SNX19: variants seen among roughly 807,000 people sequenced by gnomAD.
SNX19 encodes the protein sorting nexin 19, also known as sorting nexin-19.
Under a neutral mutation model 85.2 loss-of-function variants are expected in SNX19, and 60 were observed. That is an observed-to-expected ratio of 0.70 (90% CI 0.57 to 0.87). SNX19 has a LOEUF of 0.87. Among genes scored for constraint, SNX19 ranks in the 40% least tolerant of loss-of-function variants. The pLI is 0.00. For synonymous variants in SNX19, 520 were observed against 470.0 expected, an observed-to-expected ratio of 1.11 and a Z score of -1.38; for missense variants, 1,201 against 1,217.8, an observed-to-expected ratio of 0.99 and a Z score of 0.21.
At chr11:130,891,879 C>T (rs1477937504) in intron 8 of SNX19, among the ~76,000 whole-genome samples, 1 of 143,192 alleles carries the variant, frequency 7.0e-6, no homozygotes, top group Non-Finnish European at 1.5e-5. Context: ...CTCATTCTGT[C>T]GCCCAGGCTG....
At chr11:130,891,759 A>T (rs922280098) in intron 8 of SNX19, among the ~76,000 whole-genome samples, 3 of 152,158 alleles carry the variant, frequency 2.0e-5, no homozygotes, top group Non-Finnish European at 2.9e-5. Flanking sequence ...TTTTAGGATA[A>T]ATAAGACTGA....
At position 130,914,979 on chromosome 11, in the gene SNX19, C is replaced by G. The variant is rs747985995; in HGVS notation, c.961G>C (p.Gly321Arg). 1 of 1,614,150 alleles carries G rather than the reference C, an allele frequency of 6.2e-7. No homozygotes were observed. The highest frequency in any genetic ancestry group is 1.1e-5 in the South Asian group (1 of 91,078). The part of the protein sequence containing the change: ...PVFLSYSEPE[G>R]SAGPSPEVEE... ...ACCTCTGGAGAGGGGCCTGCAGAAC[C>G]CTCTGGCTCACTGTAACTTAGGAAT... Residue 321 changes from glycine to arginine, a missense_variant, in exon 1 of 11, where the codon GGT becomes CGT. Gly to Arg is a moderately radical substitution (Grantham distance 125). Transcript: ENST00000265909.
At chr11:130,888,083 C>T (rs1944214758) in intron 8 of SNX19, among the ~76,000 whole-genome samples, 1 of 143,642 alleles carries the variant, frequency 7.0e-6, no homozygotes, top group Non-Finnish European at 1.5e-5. Flanking sequence ...AATCCTAAGT[C>T]CACACAGGTA....
Position 130,872,152 on chromosome 11 carries a change from A to G in SNX19, c.*6270T>C, listed in dbSNP as rs1943050961. Among the ~76,000 whole-genome samples, 1 of 152,164 alleles carries G rather than the reference A, an allele frequency of 6.6e-6. No individual in the cohort carries two copies. Among genetic ancestry groups the G allele is most frequent in the African/African-American group, 2.4e-5 (1 of 41,444 alleles). On this transcript the variant is annotated 3_prime_UTR_variant, in exon 11 of 11. Transcript: ENST00000265909. Reference sequence around the variant, plus strand: ...CAGGTTTCATCAAGCTGTTGAAGAGACATCAAAGCCAGGAGTAATTCTCTG... The same window carrying G: ...CAGGTTTCATCAAGCTGTTGAAGAGGCATCAAAGCCAGGAGTAATTCTCTG...
At chr11:130,907,343 C>G (rs527628649) in intron 5 of SNX19, among the ~76,000 whole-genome samples, 1 of 152,106 alleles carries the variant, frequency 6.6e-6, no homozygotes, top group African/African-American at 2.4e-5. Flanking sequence ...CACACACATA[C>G]ACACATGCTC....
intron 8 of SNX19, chr11:130,894,693 A>G (rs1003447164): frequency 1.0e-6 from 1 of 985,344 alleles, no homozygotes; most frequent in Non-Finnish European, 1.2e-6. Context: ...TAAAAGCAAC[A>G]CACATTCAGA....
At chr11:130,896,153 G>A (rs1161827639) in intron 8 of SNX19, among the ~76,000 whole-genome samples, 1 of 152,168 alleles carries the variant, frequency 6.6e-6, no homozygotes, top group Non-Finnish European at 1.5e-5. Flanking sequence ...TTGTATGTGG[G>A]GGTCTTGCAA....
intron 5 of SNX19, among the ~76,000 whole-genome samples, chr11:130,907,735 C>T (rs1352915286): frequency 1.3e-5 from 2 of 152,176 alleles, no homozygotes; most frequent in African/African-American, 2.4e-5. Flanking sequence ...CCCAGGTTCC[C>T]ATGGCAAAAC....
rs369261968 is a variant in SNX19 at position 130,906,640 on chromosome 11, G to T, written c.2247C>A (p.Leu749=). The change falls in exon 6 of 11, where the codon CTC becomes CTA. Residue 749 remains leucine, a synonymous_variant. Transcript: ENST00000265909. ...TGGTTCTTACCACATTGCCTTCCTG[G>T]AGACAATAAAGAATCTTGTCTTGTG... The part of the protein sequence containing the change: ...TEAQDKILYC[L]QEGNVESETL... 8.7e-6 allele frequency: 14 copies of T among 1,611,666 alleles called. No homozygotes were observed. The highest frequency in any genetic ancestry group is 1.0e-5 in the Non-Finnish European group (12 of 1,178,148).
intron 8 of SNX19, 35 bp downstream of exon 8, chr11:130,903,220 A>C: frequency 1.2e-6 from 2 of 1,612,280 alleles, no homozygotes; most frequent in Non-Finnish European, 1.7e-6. Flanking sequence ...CTGCAACTTG[A>C]GATTCTGATG....
chr11:130,914,534 A>G lies in SNX19; in HGVS notation c.1406T>C (p.Leu469Pro), dbSNP rs1409791419. The change falls in exon 1 of 11, where the codon CTG becomes CCG. Residue 469 changes from leucine (L) to proline (P), a missense_variant. Transcript: ENST00000265909. ...GDVTASVTAL[L>P]EGPEKTCPSR... ...GGGGCAGGTCTTTTCTGGCCCCTCC[A>G]GCAAAGCTGTAACAGAGGCGGTAAC... 3 of 1,613,868 alleles carry G rather than the reference A, an allele frequency of 1.9e-6. No homozygotes were observed. Among genetic ancestry groups the G allele is most frequent in the Non-Finnish European group, 2.5e-6 (3 of 1,179,878 alleles).
chr11:130,879,295 T>C (rs896869100), intron 10 of SNX19, among the ~76,000 whole-genome samples: 3 of 152,220 alleles, frequency 2.0e-5, no homozygotes, highest in African/African-American at 4.8e-5. Context: ...GAAAGAGCAC[T>C]GAGCAAGTAT....
At chr11:130,884,950 T>C (rs1943954256) in intron 8 of SNX19, among the ~76,000 whole-genome samples, 1 of 151,948 alleles carries the variant, frequency 6.6e-6, no homozygotes, top group Non-Finnish European at 1.5e-5. Flanking sequence ...TAATACAAGA[T>C]GCATGAAGTA....
intron 8 of SNX19, among the ~76,000 whole-genome samples, chr11:130,881,376 CAAG>C (rs1943655185): frequency 6.6e-6 from 1 of 152,152 alleles, no homozygotes. Context: ...ATCTACCGTA[CAAG>C]AAGTTTTACA....
intron 5 of SNX19, 49 bp from the exon 6 acceptor site, chr11:130,906,770 GC>G (rs1945709796): frequency 2.3e-6 from 3 of 1,286,464 alleles, no homozygotes; most frequent in Non-Finnish European, 3.4e-6. Context: ...ATGGCCTTGA[GC>G]CTCACACTAA....
rs1439317771 is a variant in SNX19, at chr11:130,866,824, C to G, written c.*11598G>C. The G allele has an allele frequency of 1.3e-5, 2 of 152,192 alleles. No individual in the cohort carries two copies. The highest frequency in any genetic ancestry group is 2.9e-5 in the Non-Finnish European group (2 of 68,052). The allele number at this position is 152,192 out of a possible 1,614,324, so 9.4% of individuals were successfully genotyped here. ...GTCCTGGTGTGGGGCAGCAGAAATG[C>G]CACTGAGCTAGAAGCTGGAAGACCC... On this transcript the variant is annotated 3_prime_UTR_variant, in exon 11 of 11. Transcript: ENST00000265909.
In SNX19 at chr11:130,907,971, T is replaced by C; in HGVS notation, c.2147A>G (p.Glu716Gly). The C allele has an allele frequency of 6.2e-7, 1 of 1,614,082 alleles. No individual in the cohort carries two copies. The highest frequency in any genetic ancestry group is 1.1e-5 in the South Asian group (1 of 91,058). ...TTCTCACTTGCTAGCCTTCTTGCCT[T>C]CTGTCTGGGGCTTGCTTTCGGTCTC... ...EAETESKPQT[E>G]GKKASKSRLR... Residue 716 changes from glutamate to glycine, a missense_variant, in exon 5 of 11, where the codon GAA (glutamate) becomes GGA (glycine). Glu to Gly is a moderately conservative substitution (Grantham distance 98). Transcript: ENST00000265909.
chr11:130,889,388 C>T (rs1944335366), intron 8 of SNX19, among the ~76,000 whole-genome samples: 1 of 151,910 alleles, frequency 6.6e-6, no homozygotes, highest in African/African-American at 2.4e-5. Context: ...TAAATGCCCC[C>T]CGACCCCCCA....
At chr11:130,881,452 C>T (rs1943665939) in intron 8 of SNX19, among the ~76,000 whole-genome samples, 1 of 152,212 alleles carries the variant, frequency 6.6e-6, no homozygotes, top group South Asian at 2.1e-4. Flanking sequence ...TCCCAACTCT[C>T]CTCTGGCAAG....
Sources: allele counts gnomAD v4.1 joint callset (sites outside exome capture counted in the v4.1 genomes callset), GRCh38; gene constraint gnomAD v4.1.1; transcripts MANE v1.5; gene names NCBI Gene and HGNC (gene_info 2026-07-23, HGNC 2026-07-21).